PIK3CD: variants seen among roughly 807,000 people sequenced by gnomAD.
PIK3CD encodes the protein phosphatidylinositol-4,5-bisphosphate 3-kinase catalytic subunit delta.
PIK3CD carries 20 observed loss-of-function variants against 122.9 expected under a neutral mutation model. That is an observed-to-expected ratio of 0.16 (90% CI 0.11 to 0.24). PIK3CD has a LOEUF of 0.24. Among genes scored for constraint, PIK3CD ranks in the 10% least tolerant of loss-of-function variants. The probability of loss-of-function intolerance (pLI) is 1.00; values close to 1 mark genes in which losing one functional copy is unlikely to be tolerated. For missense variants in PIK3CD, 787 were observed against 1,406.3 expected (o/e 0.56, Z 7.04); for synonymous variants, 596 against 593.4 (o/e 1.00, Z -0.06).
chr1:9,663,589 A>ATT (rs58047442), intron 1 of PIK3CD, among the ~76,000 whole-genome samples: 3 of 151,530 alleles, frequency 2.0e-5, no homozygotes, highest in East Asian at 1.9e-4. Context: ...TTTTTTTAAT[A>ATT]TTTTTTTATT....
upstream of PIK3CD, among the ~76,000 whole-genome samples, chr1:9,646,906 G>T (rs539298834): frequency 2.0e-5 from 3 of 147,934 alleles, no homozygotes; most frequent in South Asian, 2.1e-4. Flanking sequence ...AGTGAACCAA[G>T]ATCGCACCAC....
At chr1:9,707,511 G>A (rs1168950570) in intron 2 of PIK3CD, among the ~76,000 whole-genome samples, 3 of 151,650 alleles carry the variant, frequency 2.0e-5, no homozygotes, top group Admixed American at 6.6e-5. Flanking sequence ...ATCCTCTCCC[G>A]ACTCCCACCC....
rs372561654 is a variant in PIK3CD at position 9,721,168 on chromosome 1, G to A, written c.1731G>A (p.Leu577=). Residue 577 remains leucine, a synonymous_variant, in exon 14 of 24, where the codon CTG becomes CTA. Transcript: ENST00000377346. ...LLCSWPELPV[L]SALELLDFSF... ...GCTCCTGGCCGGAGCTGCCCGTCCT[G>A]AGCGCCCTGGAGCTGCTAGACTTCA... 1 of 1,612,972 alleles carries A rather than the reference G, an allele frequency of 6.2e-7. No homozygotes were observed. Among genetic ancestry groups the A allele is most frequent in the Non-Finnish European group, 8.5e-7 (1 of 1,179,964 alleles).
chr1:9,646,611 G>T, the PIK3CD span, among the ~76,000 whole-genome samples: 20 of 152,160 alleles, frequency 1.3e-4, no homozygotes, highest in Non-Finnish European at 2.6e-4. Context: ...GCTGATAAGC[G>T]TTGTCTCCAG....
At chr1:9,684,553 GAAA>G in intron 1 of PIK3CD, among the ~76,000 whole-genome samples, 1 of 141,054 alleles carries the variant, frequency 7.1e-6, no homozygotes, top group African/African-American at 2.7e-5. Context: ...AAAAAAAAAA[GAAA>G]AAAGAAAGAG....
chr1:9,640,038 G>A, the PIK3CD span, among the ~76,000 whole-genome samples: 2 of 151,392 alleles, frequency 1.3e-5, no homozygotes, highest in African/African-American at 4.9e-5. Context: ...CACCGTGCCC[G>A]ACCTCCTTTC....
the PIK3CD span, among the ~76,000 whole-genome samples, chr1:9,632,833 G>A: frequency 6.6e-6 from 1 of 151,172 alleles, no homozygotes; most frequent in Non-Finnish European, 1.5e-5. Flanking sequence ...CTTCTAGGAG[G>A]TGATATAATT....
At chr1:9,670,512 A>G (rs2100976847) in intron 1 of PIK3CD, among the ~76,000 whole-genome samples, 1 of 152,330 alleles carries the variant, frequency 6.6e-6, no homozygotes, top group South Asian at 2.1e-4. Context: ...TACAGGCTTC[A>G]TATCTTGGCT....
chr1:9,686,570 T>C (rs2100354208), intron 1 of PIK3CD, among the ~76,000 whole-genome samples: 1 of 152,242 alleles, frequency 6.6e-6, no homozygotes, highest in South Asian at 2.1e-4. Context: ...CCCAGGCTGG[T>C]CTTGAACTCC....
At chr1:9,694,972 A>AAG (rs113822530) in intron 2 of PIK3CD, among the ~76,000 whole-genome samples, 83 of 150,854 alleles carry the variant, frequency 5.5e-4, no homozygotes, top group African/African-American at 1.6e-3. Flanking sequence ...AAAAACAAAA[A>AAG]AGAGAGAGAG....
At chr1:9,688,782 C>T (rs969686189) in intron 1 of PIK3CD, among the ~76,000 whole-genome samples, 2 of 151,948 alleles carry the variant, frequency 1.3e-5, no homozygotes, top group African/African-American at 2.4e-5. Flanking sequence ...GAGCTATGAT[C>T]GCACCACTGC....
chr1:9,695,460 A>G (rs1646368080), intron 2 of PIK3CD, among the ~76,000 whole-genome samples: 1 of 152,222 alleles, frequency 6.6e-6, no homozygotes, highest in Non-Finnish European at 1.5e-5. Context: ...CCAGAGATAG[A>G]GAGAAGTTAC....
chr1:9,651,693 G>A (rs1173221259), upstream of PIK3CD: 1 of 151,660 alleles, frequency 6.6e-6, no homozygotes, highest in Non-Finnish European at 1.5e-5. Flanking sequence ...CGGCAGGCGG[G>A]GCGCCCCGGC....
chr1:9,656,858 A>T (rs1253748009), intron 1 of PIK3CD, among the ~76,000 whole-genome samples: 2 of 150,924 alleles, frequency 1.3e-5, no homozygotes, highest in African/African-American at 4.9e-5. Flanking sequence ...CAGGAGAATT[A>T]CTTGAACCCA....
At chr1:9,650,337 G>A (rs1250655872), upstream of PIK3CD, among the ~76,000 whole-genome samples, 2 of 152,254 alleles carry the variant, frequency 1.3e-5, no homozygotes, top group African/African-American at 4.8e-5. Flanking sequence ...CAGGAGAATT[G>A]CTTGAACCCA....
Position 9,721,121 on chromosome 1 carries a change from C to T in PIK3CD, c.1690-6C>T, listed in dbSNP as rs879255387. The T allele has an allele frequency of 6.2e-6, 10 of 1,610,326 alleles. No individual in the cohort carries two copies. The highest frequency in any genetic ancestry group is 8.5e-6 in the Non-Finnish European group (10 of 1,179,734). On this transcript the variant is annotated splice_region_variant and splice_polypyrimidine_tract_variant and intron_variant, in intron 13 of 23. Coordinates refer to ENST00000377346, the MANE Select transcript of PIK3CD (RefSeq NM_005026.5). ...CGCCCCCAAGCCTGACCTCGGCTCC[C>T]CCCAGATGCTCTACCTGCTGTGCTC... is the stretch of plus-strand genomic sequence containing the variant.
At chr1:9,654,041 A>G in intron 1 of PIK3CD, 1 of 1,253,308 alleles carries the variant, frequency 8.0e-7, no homozygotes, top group Middle Eastern at 3.1e-4. Flanking sequence ...ACTGCGCTCC[A>G]GCCTGGGTGA....
chr1:9,706,712 GA>G (rs1248591421), intron 2 of PIK3CD, among the ~76,000 whole-genome samples: 1 of 152,026 alleles, frequency 6.6e-6, no homozygotes, highest in African/African-American at 2.4e-5. Flanking sequence ...GTGTTAAAAT[GA>G]CTATCTTGTG....
At chr1:9,641,192 C>T in the PIK3CD span, among the ~76,000 whole-genome samples, 1 of 152,246 alleles carries the variant, frequency 6.6e-6, no homozygotes, top group Non-Finnish European at 1.5e-5. Flanking sequence ...CAGAGCCCAA[C>T]TGTATCAGGC....
Sources: gnomAD v4.1 joint callset for allele counts (sites outside exome capture counted in the v4.1 genomes callset) on GRCh38, gnomAD v4.1.1 for gene constraint, MANE v1.5 for transcripts, NCBI Gene and HGNC (gene_info 2026-07-23, HGNC 2026-07-21) for gene names.